The following CDYL2 variants were observed in gnomAD, a reference collection of about 807,000 sequenced individuals.
CDYL2 encodes the protein chromodomain Y-like protein 2.
CDYL2 carries 23 observed loss-of-function variants against 49.4 expected under a neutral mutation model. That is an observed-to-expected ratio of 0.47 (90% CI 0.34 to 0.66). The LOEUF (loss-of-function observed/expected upper bound fraction) is 0.66. Among genes scored for constraint, CDYL2 ranks in the 30% least tolerant of loss-of-function variants. The pLI is 0.01. For missense variants in CDYL2, 678 were observed against 656.4 expected (o/e 1.03, Z -0.36); for synonymous variants, 360 against 268.8 (o/e 1.34, Z -3.32).
chr16:80,717,659 T>A (rs1246967971), intron 1 of CDYL2, among the ~76,000 whole-genome samples: 7 of 152,238 alleles, frequency 4.6e-5, no homozygotes, highest in African/African-American at 1.7e-4. Context: ...ATTCATGAGA[T>A]CTGCTAGGGG....
intron 1 of CDYL2, among the ~76,000 whole-genome samples, chr16:80,758,833 C>T (rs1906412455): frequency 1.3e-5 from 2 of 151,572 alleles, no homozygotes; most frequent in South Asian, 2.1e-4. Context: ...TGAGCCACCA[C>T]GCCCGGCCTG....
At chr16:80,718,785 C>T (rs962493702) in intron 1 of CDYL2, among the ~76,000 whole-genome samples, 1 of 152,162 alleles carries the variant, frequency 6.6e-6, no homozygotes, top group African/African-American at 2.4e-5. Flanking sequence ...AAATCCTGCC[C>T]AGCAGCCACA....
chr16:80,767,573 G>C (rs1567600581), intron 1 of CDYL2, among the ~76,000 whole-genome samples: 1 of 152,110 alleles, frequency 6.6e-6, no homozygotes, highest in East Asian at 1.9e-4. Context: ...AAAATTATTT[G>C]GTTTCTAATC....
At chr16:80,743,941 A>T (rs1905837918) in intron 1 of CDYL2, among the ~76,000 whole-genome samples, 1 of 152,032 alleles carries the variant, frequency 6.6e-6, no homozygotes, top group Non-Finnish European at 1.5e-5. Flanking sequence ...GGACTGTACT[A>T]TTCCTCCTGC....
At chr16:80,617,818 G>A (rs781698893) in intron 4 of CDYL2, among the ~76,000 whole-genome samples, 1 of 152,116 alleles carries the variant, frequency 6.6e-6, no homozygotes, top group Non-Finnish European at 1.5e-5. Flanking sequence ...AGAATCTTGC[G>A]TTTCTCTTAG....
intron 1 of CDYL2, among the ~76,000 whole-genome samples, chr16:80,747,088 T>C (rs576407221): frequency 3.9e-5 from 6 of 152,234 alleles, no homozygotes; most frequent in African/African-American, 1.4e-4. Context: ...CTGTCAGTTT[T>C]CTTACGGCAT....
intron 1 of CDYL2, among the ~76,000 whole-genome samples, chr16:80,781,699 TTTTC>T (rs1461180087): frequency 3.9e-5 from 6 of 152,112 alleles, no homozygotes; most frequent in African/African-American, 7.2e-5. Flanking sequence ...ACAAAGTACC[TTTTC>T]TCACCAACAT....
chr16:80,737,333 G>A (rs945953086), intron 1 of CDYL2, among the ~76,000 whole-genome samples: 6 of 152,156 alleles, frequency 3.9e-5, no homozygotes, highest in Non-Finnish European at 5.9e-5. Flanking sequence ...GTGCCTTACA[G>A]GTAAGGTCTC....
At chr16:80,629,704 A>G (rs1907466536) in intron 3 of CDYL2, among the ~76,000 whole-genome samples, 1 of 152,244 alleles carries the variant, frequency 6.6e-6, no homozygotes, top group South Asian at 2.1e-4. Flanking sequence ...GCACACAGTA[A>G]TGTATGAATT....
rs180785360 is a variant in CDYL2, at chr16:80,651,218, C to G, written c.617-17982G>C. On this transcript the variant is annotated intron_variant, in intron 2 of 6. Coordinates refer to ENST00000570137, the MANE Select transcript of CDYL2 (RefSeq NM_152342.4). ...CCTGTATCAAAACATCCCATGTACC[C>G]ATACATTTATATACCTACTATGTAA... Among the ~76,000 whole-genome samples, 359 of 152,132 alleles carry G rather than the reference C, an allele frequency of 2.4e-3. 1 individual carries two copies. Among genetic ancestry groups the G allele is most frequent in the African/African-American group, 8.1e-3 (337 of 41,522 alleles).
intron 2 of CDYL2, among the ~76,000 whole-genome samples, chr16:80,668,401 T>C (rs142652149): frequency 2.0e-4 from 31 of 152,116 alleles, no homozygotes; most frequent in African/African-American, 6.7e-4. Context: ...GAGAAAGAAA[T>C]GGGATAATTC....
intron 1 of CDYL2, among the ~76,000 whole-genome samples, chr16:80,803,743 C>A (rs918190669): frequency 1.3e-4 from 18 of 143,148 alleles, no homozygotes; most frequent in African/African-American, 3.6e-4. Context: ...GCGCGCCCCC[C>A]CGCATTCCCA....
chr16:80,621,723 T>A (rs565057828), intron 3 of CDYL2, among the ~76,000 whole-genome samples: 1 of 152,222 alleles, frequency 6.6e-6, no homozygotes, highest in African/African-American at 2.4e-5. Context: ...CCATCTGACA[T>A]GGAAGAACTG....
In CDYL2 at chr16:80,750,278, G is replaced by C. The variant is rs139931336; in HGVS notation, c.24+53872C>G. On this transcript the variant is annotated intron_variant, in intron 1 of 6. Coordinates refer to ENST00000570137, the MANE Select transcript of CDYL2 (RefSeq NM_152342.4). ...AGAAGAAAAATATGTAAAGCACAAA[G>C]TACAAAAAGCAAAAAACACACCCAC... Among the ~76,000 whole-genome samples the C allele has an allele frequency of 9.4e-3, 1,414 of 150,826 alleles. 28 individuals carry two copies. The highest frequency in any genetic ancestry group is 0.032 in the African/African-American group (1,311 of 41,168).
Position 80,601,905 on chromosome 16 carries a change from T to C in CDYL2, c.*2483A>G, listed in dbSNP as rs1906103050. ...CTTGAAATGTTTAGAAGTTTGGATT[T>C]GATAGTACATCCAAAGCTGAAGCAT... On this transcript the variant is annotated 3_prime_UTR_variant, in exon 7 of 7. Transcript: ENST00000570137. The C allele has an allele frequency of 6.6e-6, 1 of 152,214 alleles. No individual in the cohort carries two copies. Among genetic ancestry groups the C allele is most frequent in the Non-Finnish European group, 1.5e-5 (1 of 68,046 alleles). The allele number at this position is 152,214 out of a possible 1,614,324, so 9.4% of individuals were successfully genotyped here.
In CDYL2 at chr16:80,618,866, T is replaced by C. The variant is rs147897320; in HGVS notation, c.1007+1897A>G. Among the ~76,000 whole-genome samples the C allele has an allele frequency of 2.5e-3, 382 of 152,320 alleles. 3 individuals are homozygous for C. Among genetic ancestry groups the C allele is most frequent in the African/African-American group, 8.9e-3 (372 of 41,580 alleles). ...TGCCTAAGAGGAGAGCCTGAAAAGATGGGGCTCTTTGAGCTGCTAATGATT... is the reference window on the plus strand; with the variant it reads ...TGCCTAAGAGGAGAGCCTGAAAAGACGGGGCTCTTTGAGCTGCTAATGATT... On this transcript the variant is annotated intron_variant, in intron 4 of 6. Coordinates refer to ENST00000570137, the MANE Select transcript of CDYL2 (RefSeq NM_152342.4).
intron 2 of CDYL2, chr16:80,662,849 T>A (rs1909103465): frequency 4.5e-6 from 2 of 448,056 alleles, no homozygotes; most frequent in East Asian, 1.4e-4. Flanking sequence ...CTCAAATGTC[T>A]GGCTCCCTCC....
rs955735591 is a variant in CDYL2 at position 80,604,323 on chromosome 16, A to G, written c.*65T>C. The G allele has an allele frequency of 1.9e-6, 3 of 1,574,822 alleles. No individual in the cohort carries two copies. The highest frequency in any genetic ancestry group is 1.7e-6 in the Non-Finnish European group (2 of 1,148,066). ...GACAAACTCCTTGGCCGGGGCAGACACTGTGCTCTGGTTTCCGAAACACAG... is the reference window on the plus strand; with the variant it reads ...GACAAACTCCTTGGCCGGGGCAGACGCTGTGCTCTGGTTTCCGAAACACAG... On this transcript the variant is annotated 3_prime_UTR_variant, in exon 7 of 7. Coordinates refer to ENST00000570137, the MANE Select transcript of CDYL2 (RefSeq NM_152342.4).
intron 1 of CDYL2, among the ~76,000 whole-genome samples, chr16:80,706,886 A>G (rs1344241027): frequency 2.6e-5 from 4 of 152,182 alleles, no homozygotes; most frequent in Non-Finnish European, 5.9e-5. Context: ...CTGGCTCTTC[A>G]GTTACACGGC....
Sources: gnomAD v4.1 joint callset for allele counts (sites outside exome capture counted in the v4.1 genomes callset) on GRCh38, gnomAD v4.1.1 for gene constraint, MANE v1.5 for transcripts, NCBI Gene and HGNC (gene_info 2026-07-23, HGNC 2026-07-21) for gene names.